The following NIPA1 variants were observed in gnomAD, a reference collection of about 807,000 sequenced individuals.
NIPA1 encodes the protein NIPA magnesium transporter 1, also known as magnesium transporter NIPA1.
NIPA1 carries 13 observed loss-of-function variants against 23.9 expected under a neutral mutation model. That is an observed-to-expected ratio of 0.54 (90% CI 0.35 to 0.87). The LOEUF is 0.87. NIPA1 is among the 40% of genes least tolerant of loss of function. NIPA1 has a pLI of 0.01. For missense variants in NIPA1, 362 were observed against 429.7 expected (o/e 0.84, Z 1.39); for synonymous variants, 234 against 202.9 (o/e 1.15, Z -1.30).
Position 22,829,021 on chromosome 15 carries a change from A to G in NIPA1, c.*4782A>G, listed in dbSNP as rs144032824. On this transcript the variant is annotated 3_prime_UTR_variant, in exon 5 of 5. Transcript: ENST00000337435. Reference sequence around the variant, plus strand: ...GACACACAGCCTCATGCGCTGAGAAAGCAAAGGAAGTGCTGGGTGTAAAGT... The same window carrying G: ...GACACACAGCCTCATGCGCTGAGAAGGCAAAGGAAGTGCTGGGTGTAAAGT... 6.6e-6 allele frequency: 1 copy of G among 152,388 alleles called. No individual in the cohort carries two copies. Among genetic ancestry groups the G allele is most frequent in the Non-Finnish European group, 1.5e-5 (1 of 68,044 alleles). The allele number at this position is 152,388 out of a possible 1,614,324, so 9.4% of individuals were successfully genotyped here. A position where few individuals can be genotyped will look rare whatever the true frequency, so the allele number is the denominator to read the frequency against.
Position 22,810,738 on chromosome 15 carries a change from A to G in NIPA1, c.179-11A>G. On this transcript the variant is annotated splice_polypyrimidine_tract_variant and intron_variant, in intron 1 of 4. Transcript: ENST00000337435. ...CCACTTTTCTGACATTTTTTATCTC[A>G]TTTTTTATAGGTACTTCCTATTTAA... 6.3e-7 allele frequency: 1 copy of G among 1,590,686 alleles called. No homozygotes were observed. Among genetic ancestry groups the G allele is most frequent in the South Asian group, 1.1e-5 (1 of 90,644 alleles).
chr15:22,818,731 A>T (rs1895474998), intron 3 of NIPA1, among the ~76,000 whole-genome samples: 1 of 151,944 alleles, frequency 6.6e-6, no homozygotes, highest in South Asian at 2.1e-4. Context: ...CGGGAGGCAG[A>T]GGTTGCAGTG....
At chr15:22,812,439 G>A (rs1479343421) in intron 3 of NIPA1, among the ~76,000 whole-genome samples, 186 bp downstream of exon 3, 1 of 152,074 alleles carries the variant, frequency 6.6e-6, no homozygotes. Flanking sequence ...ATTATTTGAG[G>A]TCACGAGTTC....
At chr15:22,809,238 T>C (rs770732793) in intron 1 of NIPA1, among the ~76,000 whole-genome samples, 39 of 151,826 alleles carry the variant, frequency 2.6e-4, no homozygotes, top group Non-Finnish European at 4.7e-4. Context: ...AATACAAAAA[T>C]TAGCCGCACG....
At chr15:22,807,345 T>G (rs1161533220) in intron 1 of NIPA1, among the ~76,000 whole-genome samples, 1 of 152,182 alleles carries the variant, frequency 6.6e-6, no homozygotes, top group African/African-American at 2.4e-5. Flanking sequence ...CAGCTTTCAC[T>G]GTAGGAGGGT....
chr15:22,814,394 G>A (rs1177674190), intron 3 of NIPA1, among the ~76,000 whole-genome samples: 5 of 152,026 alleles, frequency 3.3e-5, no homozygotes, highest in South Asian at 2.1e-4. Context: ...TAGTAGAGAC[G>A]GGGTTTGACC....
At chr15:22,814,033 TTGA>T in intron 3 of NIPA1, 1 of 944,774 alleles carries the variant, frequency 1.1e-6, no homozygotes. Context: ...CTCATGCACT[TTGA>T]TGATTAAGTC....
chr15:22,799,590 G>A (rs952452773), intron 1 of NIPA1, among the ~76,000 whole-genome samples: 1 of 151,980 alleles, frequency 6.6e-6, no homozygotes, highest in Non-Finnish European at 1.5e-5. Flanking sequence ...AGACCATCCT[G>A]GCTAACACGG....
At chr15:22,789,400 C>T (rs1894783083) in intron 1 of NIPA1, among the ~76,000 whole-genome samples, 1 of 152,136 alleles carries the variant, frequency 6.6e-6, no homozygotes, top group Admixed American at 6.5e-5. Flanking sequence ...TCAGAGCCTC[C>T]CGTCCAGGAG....
intron 2 of NIPA1, chr15:22,811,060 C>T (rs533915192): frequency 1.6e-4 from 83 of 517,606 alleles, no homozygotes; most frequent in South Asian, 1.6e-3. Flanking sequence ...CACGATTAGC[C>T]GTGAATTCAG....
chr15:22,794,193 A>C (rs1339566799), intron 1 of NIPA1, among the ~76,000 whole-genome samples: 1 of 152,012 alleles, frequency 6.6e-6, no homozygotes, highest in African/African-American at 2.4e-5. Context: ...ATGATAGCAA[A>C]AGTCAGTTCT....
chr15:22,805,962 C>G (rs965266296), intron 1 of NIPA1, among the ~76,000 whole-genome samples: 9 of 151,972 alleles, frequency 5.9e-5, no homozygotes, highest in Non-Finnish European at 1.3e-4. Context: ...CTCACTCTGT[C>G]GCCCAGGCTG....
At chr15:22,805,000 C>T (rs1006692761) in intron 1 of NIPA1, among the ~76,000 whole-genome samples, 11 of 152,050 alleles carry the variant, frequency 7.2e-5, no homozygotes, top group Admixed American at 6.6e-4. Flanking sequence ...GCCACCATGC[C>T]TGGCTAATTT....
intron 2 of NIPA1, 61 bp downstream of exon 2, chr15:22,810,857 G>A: frequency 7.6e-7 from 1 of 1,321,840 alleles, no homozygotes; most frequent in Non-Finnish European, 1.1e-6. Flanking sequence ...CACTGGTCTG[G>A]GCAGGGCTGG....
chr15:22,811,864 C>G (rs116240086), intron 2 of NIPA1, among the ~76,000 whole-genome samples: 185 of 152,316 alleles, frequency 1.2e-3, no homozygotes, highest in African/African-American at 4.2e-3. Context: ...TGTGTGAAAA[C>G]AAGGATGTGT....
At position 22,788,682 on chromosome 15, in the gene NIPA1, CTG is replaced by C. The variant is rs778817600; in HGVS notation, c.178+1852_178+1853del. 4.6e-5 allele frequency among the ~76,000 whole-genome samples: 7 copies of C among 151,796 alleles called. 1 individual carries two copies. Among genetic ancestry groups the C allele is most frequent in the Admixed American group, 2.0e-4 (3 of 15,248 alleles). Reference sequence around the variant, plus strand: ...TAGTTTTCTAAAAAGTTGAGGAAAACTGTGTTATTTCAACCCAGGTCATGTGG... The same window carrying C: ...TAGTTTTCTAAAAAGTTGAGGAAAACTGTTATTTCAACCCAGGTCATGTGG... On this transcript the variant is annotated intron_variant, in intron 1 of 4. Coordinates refer to ENST00000337435, the MANE Select transcript of NIPA1 (RefSeq NM_144599.5).
In NIPA1 at chr15:22,829,189, C is replaced by G. The variant is rs1895706897; in HGVS notation, c.*4950C>G. 1 of 152,136 alleles carries G rather than the reference C, an allele frequency of 6.6e-6. No individual in the cohort carries two copies. Among genetic ancestry groups the G allele is most frequent in the South Asian group, 2.1e-4 (1 of 4,830 alleles). The allele number at this position is 152,136 out of a possible 1,614,324, so 9.4% of individuals were successfully genotyped here. ...TCACCTTCCGATGGTGTGATGTGCTCCTGACATTCGGCCGAGGTCTGTATT... is the reference window on the plus strand; with the variant it reads ...TCACCTTCCGATGGTGTGATGTGCTGCTGACATTCGGCCGAGGTCTGTATT... On this transcript the variant is annotated 3_prime_UTR_variant, in exon 5 of 5. Transcript: ENST00000337435.
intron 3 of NIPA1, among the ~76,000 whole-genome samples, chr15:22,817,281 CCT>C (rs1895443846): frequency 2.7e-4 from 40 of 150,316 alleles, no homozygotes; most frequent in Middle Eastern, 3.5e-3. Flanking sequence ...GGGTGGATCA[CCT>C]GAGGTAAGGA....
rs190692251 is a variant in NIPA1, at chr15:22,790,633, C to T, written c.178+3799C>T. On this transcript the variant is annotated intron_variant, in intron 1 of 4. Transcript: ENST00000337435. ...TTCTCCATATTGGTCAGGCTGGTCT[C>T]GAACTTCCAAACTCAGGTGATCCAC... Among the ~76,000 whole-genome samples, 65 of 152,020 alleles carry T rather than the reference C, an allele frequency of 4.3e-4. 1 individual carries two copies. The highest frequency in any genetic ancestry group is 1.4e-3 in the African/African-American group (60 of 41,446).
Sources: gnomAD v4.1 joint callset for allele counts (sites outside exome capture counted in the v4.1 genomes callset) on GRCh38, gnomAD v4.1.1 for gene constraint, MANE v1.5 for transcripts, NCBI Gene and HGNC (gene_info 2026-07-23, HGNC 2026-07-21) for gene names.